PLXNA4: variants seen among roughly 807,000 people sequenced by gnomAD.
The protein encoded by PLXNA4 is plexin-A4.
PLXNA4 carries 44 observed loss-of-function variants against 191.8 expected under a neutral mutation model. The observed-to-expected ratio is 0.23, with a 90% CI of 0.18 to 0.29. PLXNA4 has a LOEUF of 0.29. Ranked by LOEUF, PLXNA4 falls within the 10% of genes least tolerant of loss-of-function variation. The pLI is 1.00. For missense variants in PLXNA4, 1,800 were observed against 2,488.8 expected (o/e 0.72, Z 5.89); for synonymous variants, 1,082 against 1,009.5 (o/e 1.07, Z -1.36).
At chr7:132,184,296 G>A (rs948283077) in intron 16 of PLXNA4, among the ~76,000 whole-genome samples, 3 of 152,226 alleles carry the variant, frequency 2.0e-5, no homozygotes, top group African/African-American at 7.2e-5. Flanking sequence ...TATGAGAGTG[G>A]ACAAATGAGG....
At chr7:132,526,061 T>G (rs956439805) in intron 1 of PLXNA4, among the ~76,000 whole-genome samples, 1 of 152,230 alleles carries the variant, frequency 6.6e-6, no homozygotes, top group Admixed American at 6.5e-5. Context: ...CACATCTATT[T>G]TCTCACTGAG....
Position 132,315,861 on chromosome 7 carries a change from G to A in PLXNA4, c.1372-17639C>T, listed in dbSNP as rs111587093. Among the ~76,000 whole-genome samples, 177 of 152,328 alleles carry A rather than the reference G, an allele frequency of 1.2e-3. 2 individuals carry two copies. Among genetic ancestry groups the A allele is most frequent in the African/African-American group, 4.0e-3 (167 of 41,584 alleles). ...GAGGAAAGTGCCACGTGTGTGCAGT[G>A]TAGGGTAGTCAGCTGTGGTCAGGGC... is the stretch of plus-strand genomic sequence containing the variant. On this transcript the variant is annotated intron_variant, in intron 3 of 31. Transcript: ENST00000321063.
At chr7:132,260,093 A>G (rs1404673601) in intron 4 of PLXNA4, among the ~76,000 whole-genome samples, 3 of 152,208 alleles carry the variant, frequency 2.0e-5, no homozygotes. Context: ...TGTGGAAACC[A>G]GTTTGGAGAG....
chr7:132,559,960 C>A (rs749632896), intron 1 of PLXNA4, among the ~76,000 whole-genome samples: 4 of 152,104 alleles, frequency 2.6e-5, no homozygotes, highest in Admixed American at 6.5e-5. Flanking sequence ...AGGGGCTGCC[C>A]CACCTAAAGG....
chr7:132,385,197 T>G (rs1490987741), intron 3 of PLXNA4: 1 of 1,614,068 alleles, frequency 6.2e-7, no homozygotes, highest in African/African-American at 1.3e-5. Flanking sequence ...CTCAGTTTGA[T>G]GAACAGCTGG....
intron 1 of PLXNA4, among the ~76,000 whole-genome samples, chr7:132,548,558 C>G (rs1276142186): frequency 6.6e-6 from 1 of 152,180 alleles, no homozygotes; most frequent in African/African-American, 2.4e-5. Flanking sequence ...TAGGCATGTT[C>G]TCACCCAAGA....
intron 3 of PLXNA4, among the ~76,000 whole-genome samples, chr7:132,313,911 C>T (rs190656179): frequency 7.9e-5 from 12 of 152,132 alleles, no homozygotes; most frequent in Non-Finnish European, 1.2e-4. Context: ...GGAAAAGTGC[C>T]GGGGAAAGGG....
chr7:132,142,565 G>A (rs190893205), intron 29 of PLXNA4, among the ~76,000 whole-genome samples: 1 of 152,318 alleles, frequency 6.6e-6, no homozygotes, highest in African/African-American at 2.4e-5. Context: ...CAGTCGACAA[G>A]GATCTATTAA....
intron 3 of PLXNA4, among the ~76,000 whole-genome samples, chr7:132,373,870 G>A (rs535570880): frequency 2.4e-4 from 37 of 152,144 alleles, no homozygotes; most frequent in Non-Finnish European, 4.9e-4. Flanking sequence ...AGGTCTCCTG[G>A]CTTTAATAAA....
chr7:132,507,204 T>C (rs1300689341), intron 2 of PLXNA4, among the ~76,000 whole-genome samples: 2 of 152,206 alleles, frequency 1.3e-5, no homozygotes, highest in Non-Finnish European at 2.9e-5. Flanking sequence ...CGACATCCAT[T>C]TGACACAATT....
At chr7:132,439,567 G>A (rs373393673) in intron 3 of PLXNA4, among the ~76,000 whole-genome samples, 3 of 152,078 alleles carry the variant, frequency 2.0e-5, no homozygotes, top group African/African-American at 2.4e-5. Flanking sequence ...GTCACCTTGG[G>A]TGACACATTT....
chr7:132,620,218 C>T (rs1803234981), intron 2 of PLXNA4, among the ~76,000 whole-genome samples: 1 of 152,140 alleles, frequency 6.6e-6, no homozygotes, highest in Non-Finnish European at 1.5e-5. Context: ...TTCTCATAAT[C>T]CCACCTACTC....
chr7:132,135,400 A>AATT (rs1428956713), intron 30 of PLXNA4, among the ~76,000 whole-genome samples: 1 of 152,198 alleles, frequency 6.6e-6, no homozygotes, highest in African/African-American at 2.4e-5. Context: ...AGACTCCTGT[A>AATT]ATTTCTCTCA....
chr7:132,616,586 A>G (rs1170214829), intron 2 of PLXNA4, among the ~76,000 whole-genome samples: 2 of 152,258 alleles, frequency 1.3e-5, no homozygotes, highest in African/African-American at 4.8e-5. Flanking sequence ...ATAAATTATA[A>G]TCACATAAAC....
chr7:132,339,465 A>T (rs1802941636), intron 3 of PLXNA4, among the ~76,000 whole-genome samples: 1 of 152,218 alleles, frequency 6.6e-6, no homozygotes, highest in African/African-American at 2.4e-5. Context: ...TTATCACATG[A>T]AAAGATTTGT....
At chr7:132,332,495 G>A (rs765781585) in intron 3 of PLXNA4, among the ~76,000 whole-genome samples, 5 of 152,100 alleles carry the variant, frequency 3.3e-5, no homozygotes, top group Non-Finnish European at 7.4e-5. Context: ...TGGGAAGTTG[G>A]CCAAAATCTT....
chr7:132,601,840 C>T (rs1170166558), intron 2 of PLXNA4, among the ~76,000 whole-genome samples: 1 of 152,114 alleles, frequency 6.6e-6, no homozygotes, highest in Non-Finnish European at 1.5e-5. Context: ...CTTGTTGATC[C>T]TTTTCTGAAA....
At chr7:132,495,525 G>T (rs1381564028) in intron 2 of PLXNA4, among the ~76,000 whole-genome samples, 1 of 152,158 alleles carries the variant, frequency 6.6e-6, no homozygotes. Flanking sequence ...CTGCTCTGGG[G>T]CAGCAGCAGC....
upstream of PLXNA4, among the ~76,000 whole-genome samples, chr7:132,578,755 G>A (rs540916014): frequency 5.3e-5 from 8 of 152,196 alleles, no homozygotes; most frequent in Admixed American, 2.0e-4. Context: ...AGGAGACAGC[G>A]TGGAGCCCTT....
Sources: gnomAD v4.1 joint callset for allele counts (sites outside exome capture counted in the v4.1 genomes callset) on GRCh38, gnomAD v4.1.1 for gene constraint, MANE v1.5 for transcripts, NCBI Gene and HGNC (gene_info 2026-07-23, HGNC 2026-07-21) for gene names.